CALN1: variants seen among roughly 807,000 people sequenced by gnomAD.
The protein encoded by CALN1 is calcium-binding protein 8.
In CALN1, 17 loss-of-function variants were observed where a neutral mutation model predicts 30.6. That is an observed-to-expected ratio of 0.56 (90% confidence interval 0.38 to 0.83). The LOEUF (loss-of-function observed/expected upper bound fraction) is 0.83. Ranked by LOEUF, CALN1 falls within the 40% of genes least tolerant of loss-of-function variation. The probability of loss-of-function intolerance (pLI) is 0.00; values close to 1 mark genes in which losing one functional copy is unlikely to be tolerated. For synonymous variants in CALN1, 156 were observed against 131.4 expected (o/e 1.19, Z -1.28); for missense variants, 291 against 354.9 (o/e 0.82, Z 1.45).
intron 3 of CALN1, among the ~76,000 whole-genome samples, chr7:72,126,650 T>C (rs1236788151): frequency 2.0e-5 from 3 of 152,102 alleles, no homozygotes; most frequent in African/African-American, 7.2e-5. Context: ...CATTATATCA[T>C]GTTTATGCCT....
At chr7:72,294,215 T>C (rs1437422365) in intron 2 of CALN1, among the ~76,000 whole-genome samples, 4 of 152,078 alleles carry the variant, frequency 2.6e-5, no homozygotes, top group African/African-American at 9.7e-5. Flanking sequence ...TCACTTAAAT[T>C]AAAATAAGTA....
intron 3 of CALN1, among the ~76,000 whole-genome samples, chr7:72,211,687 T>C (rs1792408327): frequency 6.6e-6 from 1 of 152,244 alleles, no homozygotes; most frequent in Non-Finnish European, 1.5e-5. Flanking sequence ...CATGTGCTTG[T>C]TCCTATTGAC....
At position 71,886,646 on chromosome 7, in the gene CALN1, G is replaced by A. The variant is rs766242865; in HGVS notation, c.502-76154C>T. On this transcript the variant is annotated intron_variant, in intron 5 of 6. Coordinates refer to ENST00000395275, the MANE Select transcript of CALN1 (RefSeq NM_031468.4). ...AAATTAGCCAGGCTTGGTGGTGGGC[G>A]CCTGTAATCCCAGCTACTTGGGAGG... Among the ~76,000 whole-genome samples, 20 of 151,946 alleles carry A rather than the reference G, an allele frequency of 1.3e-4. 1 individual carries two copies. The highest frequency in any genetic ancestry group is 3.4e-3 in the Middle Eastern group (1 of 294).
At chr7:72,003,591 T>C (rs1393839835) in intron 5 of CALN1, among the ~76,000 whole-genome samples, 3 of 152,182 alleles carry the variant, frequency 2.0e-5, no homozygotes, top group African/African-American at 7.2e-5. Flanking sequence ...GTGAATGTTA[T>C]TGTGAACTAC....
At chr7:72,331,206 C>A (rs1312961461) in intron 2 of CALN1, among the ~76,000 whole-genome samples, 1 of 151,892 alleles carries the variant, frequency 6.6e-6, no homozygotes, top group Admixed American at 6.6e-5. Flanking sequence ...AAAAATTAGC[C>A]GGGCATGGTG....
At chr7:72,399,625 T>C (rs780459005) in intron 2 of CALN1, among the ~76,000 whole-genome samples, 1 of 152,152 alleles carries the variant, frequency 6.6e-6, no homozygotes, top group Non-Finnish European at 1.5e-5. Context: ...CTTGTAGGGA[T>C]CACCTTCTTA....
At chr7:71,971,945 AAAAAAAAAAAAGAAAG>A (rs1352151558) in intron 5 of CALN1, among the ~76,000 whole-genome samples, 1 of 106,746 alleles carries the variant, frequency 9.4e-6, no homozygotes, top group African/African-American at 4.3e-5. Flanking sequence ...AAAAAAAAAA[AAAAAAAAAAAAGAAAG>A]AAAGAAAGAA....
chr7:72,398,736 C>G (rs753563992), intron 2 of CALN1, among the ~76,000 whole-genome samples: 7 of 152,348 alleles, frequency 4.6e-5, no homozygotes, highest in Non-Finnish European at 7.3e-5. Context: ...TGGGGGACAC[C>G]CCATTATCCC....
At chr7:72,453,812 G>C in the CALN1 span, among the ~76,000 whole-genome samples, 1 of 152,142 alleles carries the variant, frequency 6.6e-6, no homozygotes, top group Admixed American at 6.5e-5. Flanking sequence ...GAGTATAAAT[G>C]TCAACATGGA....
intron 5 of CALN1, among the ~76,000 whole-genome samples, chr7:71,899,820 A>G (rs570253424): frequency 1.1e-4 from 17 of 152,318 alleles, no homozygotes; most frequent in Admixed American, 2.6e-4. Context: ...CCGTACGTAT[A>G]TTAGGCACAT....
the CALN1 span, among the ~76,000 whole-genome samples, chr7:72,484,347 C>G: frequency 1.5e-4 from 23 of 151,972 alleles, no homozygotes; most frequent in Non-Finnish European, 5.9e-5. Flanking sequence ...TTAGGTGGGA[C>G]AAGAGCTGTG....
At chr7:71,866,695 G>A (rs1791607746) in intron 5 of CALN1, among the ~76,000 whole-genome samples, 1 of 152,122 alleles carries the variant, frequency 6.6e-6, no homozygotes, top group South Asian at 2.1e-4. Flanking sequence ...GATGGTCCAG[G>A]TAAACTCAGG....
At chr7:72,035,265 C>T (rs189327042) in intron 4 of CALN1, among the ~76,000 whole-genome samples, 2 of 152,194 alleles carry the variant, frequency 1.3e-5, no homozygotes. Flanking sequence ...CCCATGAAAC[C>T]ATAGCTCCTC....
chr7:72,409,280 C>T (rs1413390154), intron 1 of CALN1, among the ~76,000 whole-genome samples: 1 of 151,950 alleles, frequency 6.6e-6, no homozygotes, highest in African/African-American at 2.4e-5. Context: ...AGGCAGAAGC[C>T]ACTGCACCTG....
intron 4 of CALN1, among the ~76,000 whole-genome samples, chr7:72,077,282 T>A (rs1036488300): frequency 2.0e-5 from 3 of 152,162 alleles, no homozygotes; most frequent in Non-Finnish European, 4.4e-5. Flanking sequence ...TATTTTATTT[T>A]ATTTATTTTG....
At chr7:72,173,213 A>T (rs182946188) in intron 3 of CALN1, among the ~76,000 whole-genome samples, 1,905 of 152,214 alleles carry the variant, frequency 0.013, 43 homozygotes, top group African/African-American at 0.043. Context: ...CAGTAGTATT[A>T]AAAAAAGAAA....
intron 4 of CALN1, among the ~76,000 whole-genome samples, chr7:72,060,159 T>C (rs1279460421): frequency 2.0e-5 from 3 of 152,052 alleles, no homozygotes; most frequent in Non-Finnish European, 4.4e-5. Flanking sequence ...GTGGGGGAAA[T>C]ACTTCCTGTC....
chr7:71,991,388 G>A (rs990496155), intron 5 of CALN1, among the ~76,000 whole-genome samples: 1 of 151,992 alleles, frequency 6.6e-6, no homozygotes, highest in African/African-American at 2.4e-5. Flanking sequence ...GAACCCAGGA[G>A]GCAGAGCTTT....
chr7:72,286,658 T>C (rs1006631402), intron 2 of CALN1, among the ~76,000 whole-genome samples: 1 of 152,226 alleles, frequency 6.6e-6, no homozygotes, highest in Admixed American at 6.5e-5. Context: ...TGAAACAGTT[T>C]TGTTCCCCTG....
Sources: allele counts gnomAD v4.1 joint callset (sites outside exome capture counted in the v4.1 genomes callset), GRCh38; gene constraint gnomAD v4.1.1; transcripts MANE v1.5; gene names NCBI Gene and HGNC (gene_info 2026-07-23, HGNC 2026-07-21).